CWC27: variants seen among roughly 807,000 people sequenced by gnomAD.
CWC27 encodes the protein CWC27 spliceosome associated cyclophilin, also known as spliceosome-associated protein CWC27 homolog.
A neutral mutation model predicts 63.6 loss-of-function variants in CWC27; 47 were observed. The observed-to-expected ratio is 0.74, with a 90% confidence interval of 0.58 to 0.94. The LOEUF (loss-of-function observed/expected upper bound fraction) is 0.94. Among genes scored for constraint, CWC27 ranks in the 40% least tolerant of loss-of-function variants. The pLI is 0.00. For synonymous variants in CWC27, 175 were observed against 179.8 expected (o/e 0.97, Z 0.22); for missense variants, 495 against 554.3 (o/e 0.89, Z 1.07).
intron 11 of CWC27, among the ~76,000 whole-genome samples, chr5:64,901,055 C>A (rs1747493677): frequency 6.6e-6 from 1 of 151,712 alleles, no homozygotes; most frequent in Non-Finnish European, 1.5e-5. Flanking sequence ...ATGTATGGCC[C>A]AAGACAATTC....
intron 10 of CWC27, among the ~76,000 whole-genome samples, chr5:64,876,621 A>G (rs1746800292): frequency 6.6e-6 from 1 of 152,116 alleles, no homozygotes; most frequent in Admixed American, 6.5e-5. Context: ...ACAGCATGTC[A>G]CTCAGGTCTT....
At chr5:64,885,698 G>GGTGT (rs143055779) in intron 11 of CWC27, 152 bp downstream of exon 11, 11,974 of 260,934 alleles carry the variant, frequency 0.046, 412 homozygotes, top group African/African-American at 0.11. Flanking sequence ...CTTGAGTTAG[G>GGTGT]GTGTGTGTGT....
intron 12 of CWC27, among the ~76,000 whole-genome samples, chr5:64,974,537 A>G (rs1037619434): frequency 6.6e-6 from 1 of 152,182 alleles, no homozygotes; most frequent in Non-Finnish European, 1.5e-5. Flanking sequence ...CCATGATTCA[A>G]TTACCTCCCA....
chr5:64,973,506 G>C (rs924835511), intron 12 of CWC27, among the ~76,000 whole-genome samples: 1 of 152,160 alleles, frequency 6.6e-6, no homozygotes, highest in African/African-American at 2.4e-5. Flanking sequence ...TTGGCCATTC[G>C]TTCTTTCAGG....
At chr5:64,975,869 G>A (rs947343060) in intron 12 of CWC27, among the ~76,000 whole-genome samples, 5 of 151,950 alleles carry the variant, frequency 3.3e-5, no homozygotes, top group Non-Finnish European at 5.9e-5. Context: ...ATTGGAGACC[G>A]GCCTGGCCAA....
chr5:64,959,477 A>C (rs1748862498), intron 11 of CWC27, among the ~76,000 whole-genome samples: 1 of 152,204 alleles, frequency 6.6e-6, no homozygotes, highest in African/African-American at 2.4e-5. Context: ...TATGTAGTTT[A>C]TCACCAGTAG....
At chr5:64,948,837 G>A (rs1298388843) in intron 11 of CWC27, among the ~76,000 whole-genome samples, 1 of 152,038 alleles carries the variant, frequency 6.6e-6, no homozygotes, top group East Asian at 1.9e-4. Context: ...GTAAAATGTA[G>A]AAATGAGTGT....
At chr5:64,817,422 A>G (rs1402504471) in intron 10 of CWC27, among the ~76,000 whole-genome samples, 1 of 152,186 alleles carries the variant, frequency 6.6e-6, no homozygotes. Context: ...CTCTAAAACA[A>G]CAACAACAAC....
chr5:64,879,549 C>A (rs143076657), intron 10 of CWC27, among the ~76,000 whole-genome samples: 65 of 151,968 alleles, frequency 4.3e-4, no homozygotes, highest in Non-Finnish European at 2.8e-4. Context: ...TGTCCTAAGA[C>A]ACTCATGACA....
In CWC27 at chr5:64,815,456, G is replaced by A. The variant is rs571111944; in HGVS notation, c.938+11070G>A. 4.6e-5 allele frequency among the ~76,000 whole-genome samples: 7 copies of A among 152,286 alleles called. No homozygotes were observed. In the South Asian group the frequency reaches 1.5e-3, roughly 32 times the overall value. On this transcript the variant is annotated intron_variant, in intron 10 of 13. Coordinates refer to ENST00000381070, the MANE Select transcript of CWC27 (RefSeq NM_005869.4). The stretch of plus-strand genomic sequence containing the variant: ...ATGCCACTTTATTTCACTGGCCAAA[G>A]CAAGTTATATCGTTAAGCCTGATGT...
intron 10 of CWC27, among the ~76,000 whole-genome samples, chr5:64,855,163 T>G (rs572044816): frequency 3.9e-5 from 6 of 152,304 alleles, no homozygotes; most frequent in Admixed American, 2.6e-4. Context: ...TTAGCAATTC[T>G]AGACCTGTTG....
chr5:64,970,689 A>G lies in CWC27; in HGVS notation c.1043-1014A>G, dbSNP rs560796816. Among the ~76,000 whole-genome samples, 18 of 152,320 alleles carry G rather than the reference A, an allele frequency of 1.2e-4. No individual in the cohort carries two copies. In the East Asian group the frequency reaches 2.7e-3, roughly 23 times the overall value. ...GTTTGCAGCTGTCAGTTTTGAAACC[A>G]GGACTCTCCTTCCAAGTTCTACCAA... On this transcript the variant is annotated intron_variant, in intron 11 of 13. Transcript: ENST00000381070.
chr5:64,870,574 T>C (rs1421849150), intron 10 of CWC27, among the ~76,000 whole-genome samples: 1 of 152,074 alleles, frequency 6.6e-6, no homozygotes, highest in Non-Finnish European at 1.5e-5. Context: ...TGATGATTTC[T>C]TTTAATTTTA....
intron 13 of CWC27, among the ~76,000 whole-genome samples, chr5:64,993,972 A>G (rs931256295): frequency 2.6e-5 from 4 of 152,220 alleles, no homozygotes; most frequent in Admixed American, 6.5e-5. Flanking sequence ...AAGAAGATGC[A>G]TAATTTCTAC....
At chr5:64,776,094 AGAGAGAGAGAGAGAG>A (rs1346663427) in intron 2 of CWC27, among the ~76,000 whole-genome samples, 1 of 150,056 alleles carries the variant, frequency 6.7e-6, no homozygotes, top group African/African-American at 2.5e-5. Flanking sequence ...AGAGAGAGAG[AGAGAGAGAGAGAGAG>A]AGAGAGAGAG....
chr5:64,998,075 T>C (rs1398730456), intron 13 of CWC27, among the ~76,000 whole-genome samples: 10 of 152,172 alleles, frequency 6.6e-5, no homozygotes. Context: ...GTTCCTGAAG[T>C]CACCTCTTTT....
At position 64,891,771 on chromosome 5, in the gene CWC27, TTTGTTG is replaced by T. The variant is rs56101875; in HGVS notation, c.1042+6264_1042+6269del. Among the ~76,000 whole-genome samples, 712 of 147,740 alleles carry T rather than the reference TTTGTTG, an allele frequency of 4.8e-3. 2 individuals are homozygous for T. Among genetic ancestry groups the T allele is most frequent in the African/African-American group, 0.012 (475 of 39,970 alleles). The stretch of plus-strand genomic sequence containing the variant: ...GACCTCCTAGTGTTGCTTGGGATAC[TTTGTTG>T]TTGTTGTTGTTGTTGTTGTTGTTGT... On this transcript the variant is annotated intron_variant, in intron 11 of 13. Transcript: ENST00000381070.
chr5:64,863,266 A>G (rs1746454415), intron 10 of CWC27, among the ~76,000 whole-genome samples: 1 of 152,126 alleles, frequency 6.6e-6, no homozygotes, highest in African/African-American at 2.4e-5. Flanking sequence ...CAGATTAAAC[A>G]TTCTTGGGAT....
At chr5:64,801,522 CGT>C (rs146096540) in intron 9 of CWC27, among the ~76,000 whole-genome samples, 190 bp downstream of exon 9, 4 of 150,718 alleles carry the variant, frequency 2.7e-5, no homozygotes, top group East Asian at 1.9e-4. Flanking sequence ...TAGGGGTGTG[CGT>C]GTGTGTGTGT....
Sources: allele counts gnomAD v4.1 joint callset (sites outside exome capture counted in the v4.1 genomes callset), GRCh38; gene constraint gnomAD v4.1.1; transcripts MANE v1.5; gene names NCBI Gene and HGNC (gene_info 2026-07-23, HGNC 2026-07-21).